The following SEMA4D variants were observed in gnomAD, a reference collection of about 807,000 sequenced individuals.
The protein encoded by SEMA4D is semaphorin-4D.
A neutral mutation model predicts 74.8 loss-of-function variants in SEMA4D; 22 were observed. The ratio of observed to expected loss-of-function variants is 0.29; its 90% CI spans 0.21 to 0.42. SEMA4D has a LOEUF of 0.42. Among genes scored for constraint, SEMA4D ranks in the 10% least tolerant of loss-of-function variants. The probability of loss-of-function intolerance (pLI) is 1.00; values close to 1 mark genes in which losing one functional copy is unlikely to be tolerated. For missense variants in SEMA4D, 937 were observed against 1,118.4 expected (o/e 0.84, Z 2.31); for synonymous variants, 445 against 463.7 (o/e 0.96, Z 0.52).
intron 2 of SEMA4D, among the ~76,000 whole-genome samples, chr9:89,428,575 AT>A (rs1482367067): frequency 6.6e-6 from 1 of 151,572 alleles, no homozygotes; most frequent in Non-Finnish European, 1.5e-5. Context: ...AGGCACAGGC[AT>A]GGAGCCTGCT....
intron 1 of SEMA4D, among the ~76,000 whole-genome samples, chr9:89,478,156 T>G (rs1224419932): frequency 6.6e-6 from 1 of 152,228 alleles, no homozygotes; most frequent in Non-Finnish European, 1.5e-5. Context: ...GTATTTCAAT[T>G]GCCTTCTTGT....
intron 18 of SEMA4D, chr9:89,363,341 A>G: frequency 6.4e-7 from 1 of 1,570,744 alleles, no homozygotes; most frequent in Non-Finnish European, 8.6e-7. Flanking sequence ...GTCCATGCTG[A>G]ATGGGGCCCT....
At chr9:89,377,098 C>A (rs1420918221), downstream of SEMA4D, 2 of 1,496,158 alleles carry the variant, frequency 1.3e-6, no homozygotes, top group South Asian at 2.6e-5. Flanking sequence ...AGGAAGAAGT[C>A]GCCAGGAGCA....
At chr9:89,442,063 T>G (rs1851777159) in intron 2 of SEMA4D, among the ~76,000 whole-genome samples, 1 of 151,934 alleles carries the variant, frequency 6.6e-6, no homozygotes, top group Non-Finnish European at 1.5e-5. Context: ...ATGGCCAGGC[T>G]GGTGAGTTCA....
intron 1 of SEMA4D, among the ~76,000 whole-genome samples, chr9:89,480,551 G>A (rs906807917): frequency 6.6e-6 from 1 of 152,232 alleles, no homozygotes; most frequent in Non-Finnish European, 1.5e-5. Flanking sequence ...TGCAGGTCCC[G>A]AGCCCTGCCC....
chr9:89,483,829 C>G (rs1324577369), intron 1 of SEMA4D, among the ~76,000 whole-genome samples: 3 of 152,158 alleles, frequency 2.0e-5, no homozygotes, highest in Non-Finnish European at 4.4e-5. Flanking sequence ...ACCCACACAG[C>G]CAGGCTGCCT....
chr9:89,402,114 G>A (rs548143471), intron 4 of SEMA4D, among the ~76,000 whole-genome samples: 1 of 152,358 alleles, frequency 6.6e-6, no homozygotes, highest in Non-Finnish European at 1.5e-5. Context: ...TCAGGAGGCT[G>A]AGGCAAGAGG....
chr9:89,450,499 A>C, intron 2 of SEMA4D: 1 of 1,338,014 alleles, frequency 7.5e-7, no homozygotes, highest in South Asian at 1.2e-5. Flanking sequence ...AAGGAGGGTG[A>C]ATTTGTTGCC....
At chr9:89,386,736 G>A in intron 12 of SEMA4D, 1 of 392,428 alleles carries the variant, frequency 2.5e-6, no homozygotes, top group South Asian at 2.5e-5. Context: ...TTGACCCCAA[G>A]AATCCTCACC....
Position 89,379,421 on chromosome 9 carries a change from G to A in SEMA4D, c.1872C>T (p.Cys624=). The A allele has an allele frequency of 6.2e-7, 1 of 1,614,138 alleles. No individual in the cohort carries two copies. Among genetic ancestry groups the A allele is most frequent in the Non-Finnish European group, 8.5e-7 (1 of 1,180,006 alleles). ...TGTTCTTAACCCTCTCCTCTGACAGGCACTGGTACACCCCACTGTCTCCTT... is the reference window on the plus strand; with the variant it reads ...TGTTCTTAACCCTCTCCTCTGACAGACACTGGTACACCCCACTGTCTCCTT... The part of the protein sequence containing the change: ...LSEGDSGVYQ[C]LSEERVKNKT... The change falls in exon 16 of 16, where the codon TGC becomes TGT. Residue 624 remains cysteine, a synonymous_variant. Coordinates refer to ENST00000422704, the MANE Select transcript of SEMA4D (RefSeq NM_001371194.2).
intron 2 of SEMA4D, among the ~76,000 whole-genome samples, chr9:89,429,698 A>ACGT (rs1484717158): frequency 1.3e-5 from 2 of 152,132 alleles, no homozygotes; most frequent in African/African-American, 4.8e-5. Flanking sequence ...TGGCCGAGGG[A>ACGT]CGTACCCGAC....
Position 89,366,512 on chromosome 9 carries a change from A to G in SEMA4D, c.1883-2562T>C, listed in dbSNP as rs547933953. 7.9e-5 allele frequency among the ~76,000 whole-genome samples: 12 copies of G among 152,344 alleles called. No homozygotes were observed. In the East Asian group the frequency reaches 1.9e-3, roughly 24 times the overall value. ...TGAACAGGTTTGGTTTTTGTGCAGAATTTAAAAAAAAACAAAACTTAACAC... is the reference window on the plus strand; with the variant it reads ...TGAACAGGTTTGGTTTTTGTGCAGAGTTTAAAAAAAAACAAAACTTAACAC... On this transcript the variant is annotated intron_variant, in intron 16 of 18. Coordinates refer to the SEMA4D transcript ENST00000339861.
chr9:89,410,754 C>T (rs1466405456), intron 2 of SEMA4D, among the ~76,000 whole-genome samples: 1 of 152,172 alleles, frequency 6.6e-6, no homozygotes, highest in African/African-American at 2.4e-5. Context: ...AGGAACCCGC[C>T]CACACCAGAC....
At chr9:89,432,764 C>T (rs1195101971) in intron 2 of SEMA4D, among the ~76,000 whole-genome samples, 1 of 152,200 alleles carries the variant, frequency 6.6e-6, no homozygotes, top group Non-Finnish European at 1.5e-5. Context: ...GAAGCTGGAA[C>T]TCTTGCACTT....
chr9:89,431,121 AGAG>A (rs1257358390), intron 2 of SEMA4D, among the ~76,000 whole-genome samples: 1 of 152,258 alleles, frequency 6.6e-6, no homozygotes, highest in Admixed American at 6.5e-5. Flanking sequence ...TTAAATGCAA[AGAG>A]GAGAAGATAA....
chr9:89,454,660 G>C (rs948607334), intron 2 of SEMA4D, among the ~76,000 whole-genome samples: 1 of 152,266 alleles, frequency 6.6e-6, no homozygotes, highest in Non-Finnish European at 1.5e-5. Context: ...CCCAGTGAGA[G>C]TGTCAAACCG....
rs1048845964 is a variant in SEMA4D, at chr9:89,457,280, C to T, written c.-309-1327G>A. Among the ~76,000 whole-genome samples the T allele has an allele frequency of 5.3e-5, 8 of 152,268 alleles. 1 individual carries two copies. Among genetic ancestry groups the T allele is most frequent in the Non-Finnish European group, 1.2e-4 (8 of 68,020 alleles). On this transcript the variant is annotated intron_variant, in intron 1 of 15. Coordinates refer to ENST00000422704, the MANE Select transcript of SEMA4D (RefSeq NM_001371194.2). ...ACCCAGTGCACCTGACTGTGACGCT[C>T]GGGATGCTGCTGAATCACATTCCAA...
chr9:89,377,092 A>G (rs1835909565), downstream of SEMA4D: 1 of 1,501,862 alleles, frequency 6.7e-7, no homozygotes, highest in Non-Finnish European at 9.0e-7. Flanking sequence ...GCACTGAGGA[A>G]GAAGTCGCCA....
chr9:89,385,003 G>A (rs1479157847), intron 13 of SEMA4D: 6 of 985,286 alleles, frequency 6.1e-6, no homozygotes, highest in East Asian at 1.1e-4. Flanking sequence ...AGAGACAGGC[G>A]GGTCGGGTGG....
Sources: gnomAD v4.1 joint callset for allele counts (sites outside exome capture counted in the v4.1 genomes callset) on GRCh38, gnomAD v4.1.1 for gene constraint, MANE v1.5 for transcripts, NCBI Gene and HGNC (gene_info 2026-07-23, HGNC 2026-07-21) for gene names.